Variants in PDCD11 observed in about 807,000 individuals in gnomAD.
PDCD11 encodes the protein protein RRP5 homolog.
Under a neutral mutation model 198.9 loss-of-function variants are expected in PDCD11, and 97 were observed. The ratio of observed to expected loss-of-function variants is 0.49; its 90% CI spans 0.41 to 0.58. The LOEUF (loss-of-function observed/expected upper bound fraction) is 0.58, where lower values mean the gene tolerates loss of function less well. PDCD11 is among the 20% of genes least tolerant of loss of function. The pLI, the probability that PDCD11 is intolerant of heterozygous loss-of-function variation, is 0.00. For synonymous variants in PDCD11, 893 were observed against 918.0 expected (o/e 0.97, Z 0.49); for missense variants, 2,102 against 2,312.7 (o/e 0.91, Z 1.87).
At chr10:103,419,864 G>A (rs992053489) in intron 16 of PDCD11, among the ~76,000 whole-genome samples, 156 bp downstream of exon 16, 2 of 151,200 alleles carry the variant, frequency 1.3e-5, no homozygotes, top group Non-Finnish European at 2.9e-5. Flanking sequence ...ATCTCTGCTC[G>A]CTGTAACCTC....
At position 103,434,263 on chromosome 10, in the gene PDCD11, G is replaced by A. The variant is rs140323624; in HGVS notation, c.3580G>A (p.Asp1194Asn). 1 of 1,612,806 alleles carries A rather than the reference G, an allele frequency of 6.2e-7. No homozygotes were observed. Among genetic ancestry groups the A allele is most frequent in the Non-Finnish European group, 8.5e-7 (1 of 1,178,732 alleles). Residue 1194 changes from aspartate (D) to asparagine (N), a missense_variant, in exon 24 of 36, where the codon GAT (aspartate) becomes AAT (asparagine). By Grantham distance (23) the Asp-to-Asn change is conservative (BLOSUM62 1). Coordinates refer to ENST00000369797, the MANE Select transcript of PDCD11 (RefSeq NM_014976.2). ...ATCCTTCCAGGTTCTGAAGCATCCA[G>A]ATAAGAAGTTCCGGGTTGGCCAGGC... ...SLSFKVLKHPDKKFRVGQALR... is the reference protein window; with the variant it reads ...SLSFKVLKHPNKKFRVGQALR...
chr10:103,443,084 G>T, intron 32 of PDCD11, 81 bp from the exon 33 acceptor site: 7 of 1,271,004 alleles, frequency 5.5e-6, no homozygotes, highest in African/African-American at 3.0e-5. Context: ...GGAGGGGGAG[G>T]TGGTTCCTGA....
chr10:103,428,821 T>C (rs1211449826), intron 21 of PDCD11, among the ~76,000 whole-genome samples: 2 of 151,942 alleles, frequency 1.3e-5, no homozygotes, highest in African/African-American at 4.8e-5. Flanking sequence ...ATGACAGGAA[T>C]TGAGTGGATT....
At chr10:103,399,996 A>G (rs1456394571) in intron 2 of PDCD11, among the ~76,000 whole-genome samples, 1 of 152,156 alleles carries the variant, frequency 6.6e-6, no homozygotes, top group African/African-American at 2.4e-5. Context: ...TGGATTTTAT[A>G]TAATTTAGCT....
At chr10:103,399,107 GTT>G (rs71019680) in intron 2 of PDCD11, among the ~76,000 whole-genome samples, 9 of 125,982 alleles carry the variant, frequency 7.1e-5, no homozygotes, top group Admixed American at 8.2e-5. Flanking sequence ...AGAGGAAGCA[GTT>G]TTTTTTTTTT....
At chr10:103,404,564 G>A (rs1325298209) in intron 4 of PDCD11, among the ~76,000 whole-genome samples, 1 of 152,230 alleles carries the variant, frequency 6.6e-6, no homozygotes, top group Non-Finnish European at 1.5e-5. Flanking sequence ...CTCCCTAAGT[G>A]CTGGGATTAC....
At chr10:103,437,947 AGCTGAGACCCTTT>A (rs2032219015) in intron 25 of PDCD11, 55 bp from the exon 26 acceptor site, 1 of 1,268,142 alleles carries the variant, frequency 7.9e-7, no homozygotes. Flanking sequence ...GAGGAGAGGA[AGCTGAGACCCTTT>A]GCTGTTCACA....
rs1444374850 is a variant in PDCD11, at chr10:103,425,350, A to G, written c.3130A>G (p.Lys1044Glu). 3.7e-6 allele frequency: 6 copies of G among 1,613,972 alleles called. No individual in the cohort carries two copies. The highest frequency in any genetic ancestry group is 1.6e-4 in the Middle Eastern group (1 of 6,084). ...SIGDMVTGTV[K>E]SIKPTHVVVT... ...CGGGGACATGGTCACAGGGACTGTCAAGTCCATTAAGCCTACCCATGTGGT... is the reference window on the plus strand; with the variant it reads ...CGGGGACATGGTCACAGGGACTGTCGAGTCCATTAAGCCTACCCATGTGGT... Residue 1044 changes from lysine to glutamate, a missense_variant, in exon 20 of 36, where the codon AAG becomes GAG. Transcript: ENST00000369797.
chr10:103,416,190 G>GT (rs1034181661), intron 12 of PDCD11, among the ~76,000 whole-genome samples: 1 of 152,206 alleles, frequency 6.6e-6, no homozygotes, highest in Non-Finnish European at 1.5e-5. Context: ...AGCCAAGATG[G>GT]TGTAGAAGTT....
chr10:103,427,379 G>A lies in PDCD11; in HGVS notation c.3356G>A (p.Ser1119Asn). The A allele has an allele frequency of 6.2e-7, 1 of 1,611,940 alleles. No individual in the cohort carries two copies. Among genetic ancestry groups the A allele is most frequent in the South Asian group, 1.1e-5 (1 of 90,842 alleles). The change falls in exon 21 of 36, where the codon AGT becomes AAT. Residue 1119 changes from serine (S) to asparagine (N), a missense_variant. Ser to Asn is a conservative substitution (Grantham distance 46). Coordinates refer to ENST00000369797, the MANE Select transcript of PDCD11 (RefSeq NM_014976.2). ...PRFVRTIPELSVRPSELEDGH... is the reference protein window; with the variant it reads ...PRFVRTIPELNVRPSELEDGH... ...TTCGTTCGAACCATCCCGGAGCTGA[G>A]TGTTCGGCCAAGGTGAGGGGGACAT...
rs182808400 is a variant in PDCD11, at chr10:103,429,396, T to C, written c.3368+2005T>C. Reference sequence around the variant, plus strand: ...AAGAACAAAGGATAACACATATCCGTTTATGTGGTGGGTTTGGTTTGGTTT... The same window carrying C: ...AAGAACAAAGGATAACACATATCCGCTTATGTGGTGGGTTTGGTTTGGTTT... On this transcript the variant is annotated intron_variant, in intron 21 of 35. Transcript: ENST00000369797. Among the ~76,000 whole-genome samples, 6 of 152,166 alleles carry C rather than the reference T, an allele frequency of 3.9e-5. No homozygotes were observed. The East Asian group carries it at 1.2e-3, about 29-fold the overall frequency.
chr10:103,419,881 C>T (rs767351026), intron 16 of PDCD11, among the ~76,000 whole-genome samples, 173 bp downstream of exon 16: 2 of 151,216 alleles, frequency 1.3e-5, no homozygotes, highest in African/African-American at 2.4e-5. Context: ...CCTCCGCCTC[C>T]TGGGCTCAAG....
intron 11 of PDCD11, among the ~76,000 whole-genome samples, 166 bp from the exon 12 acceptor site, chr10:103,414,839 C>A (rs942778038): frequency 6.6e-6 from 1 of 152,196 alleles, no homozygotes; most frequent in Admixed American, 6.5e-5. Flanking sequence ...ACAGAATAAT[C>A]CAGCTCAGTG....
intron 11 of PDCD11, 139 bp from the exon 12 acceptor site, chr10:103,414,865 AC>A (rs2031013485): frequency 1.3e-6 from 1 of 753,534 alleles, no homozygotes; most frequent in South Asian, 1.7e-5. Flanking sequence ...TGTGTGCTTC[AC>A]CCATGTGCCA....
In PDCD11 at chr10:103,421,964, A is replaced by G. The variant is rs986744137; in HGVS notation, c.2497+397A>G. Among the ~76,000 whole-genome samples, 53 of 123,946 alleles carry G rather than the reference A, an allele frequency of 4.3e-4. No individual in the cohort carries two copies. In the East Asian group the frequency reaches 0.011, roughly 27 times the overall value. The allele number at this position is 123,946 out of a possible 152,430, so 81.3% of individuals were successfully genotyped here. A position where few individuals can be genotyped will look rare whatever the true frequency, so the allele number is the denominator to read the frequency against. On this transcript the variant is annotated intron_variant, in intron 17 of 35. Transcript: ENST00000369797. ...AGTCCGGCCTGGGTGACAGAGTGAGACTCCGTCTCAAAAAAAAAAAAAAAA... is the reference window on the plus strand; with the variant it reads ...AGTCCGGCCTGGGTGACAGAGTGAGGCTCCGTCTCAAAAAAAAAAAAAAAA...
At chr10:103,438,650 G>GT in intron 26 of PDCD11, 36 bp from the exon 27 acceptor site, 1 of 1,613,770 alleles carries the variant, frequency 6.2e-7, no homozygotes, top group South Asian at 1.1e-5. Flanking sequence ...GACAGTGGAG[G>GT]TTAAAGGTGT....
At chr10:103,415,209 A>G in intron 12 of PDCD11, 58 bp downstream of exon 12, 1 of 1,577,790 alleles carries the variant, frequency 6.3e-7, no homozygotes, top group Non-Finnish European at 8.7e-7. Context: ...AGCAGTTCTC[A>G]ACTGAAGTTT....
At chr10:103,444,181 T>C in intron 34 of PDCD11, 113 bp downstream of exon 34, 4 of 828,238 alleles carry the variant, frequency 4.8e-6, no homozygotes, top group South Asian at 1.7e-5. Context: ...GGCTTTCCTC[T>C]TGCTGCCTGT....
At chr10:103,400,223 C>CG (rs1156294040) in intron 2 of PDCD11, among the ~76,000 whole-genome samples, 174 bp from the exon 3 acceptor site, 1 of 142,006 alleles carries the variant, frequency 7.0e-6, no homozygotes, top group Non-Finnish European at 1.6e-5. Flanking sequence ...GGCGGCCCCC[C>CG]CCCTTTTTTT....
Sources: allele counts gnomAD v4.1 joint callset (sites outside exome capture counted in the v4.1 genomes callset), GRCh38; gene constraint gnomAD v4.1.1; transcripts MANE v1.5; gene names NCBI Gene and HGNC (gene_info 2026-07-23, HGNC 2026-07-21).